The following PLGRKT variants were observed in gnomAD, a reference collection of about 807,000 sequenced individuals.
The protein encoded by PLGRKT is plasminogen receptor with a C-terminal lysine, also known as plasminogen receptor (KT).
A neutral mutation model predicts 18.5 loss-of-function variants in PLGRKT; 22 were observed. That is an observed-to-expected ratio of 1.19 (90% CI 0.85 to 1.70). The LOEUF is 1.70. PLGRKT is among the 40% of genes most tolerant of loss of function. The pLI is 0.00. For missense variants in PLGRKT, 235 were observed against 174.4 expected, an observed-to-expected ratio of 1.35 and a Z score of -1.96; for synonymous variants, 72 against 52.8, an observed-to-expected ratio of 1.36 and a Z score of -1.58.
chr9:5,387,140 G>T (rs997761219), intron 3 of PLGRKT, among the ~76,000 whole-genome samples: 2 of 151,864 alleles, frequency 1.3e-5, no homozygotes, highest in Non-Finnish European at 2.9e-5. Context: ...CTTCTAAGGA[G>T]CTCCAATGTC....
At chr9:5,434,773 C>A (rs984711086) in intron 2 of PLGRKT, among the ~76,000 whole-genome samples, 1 of 152,022 alleles carries the variant, frequency 6.6e-6, no homozygotes, top group Non-Finnish European at 1.5e-5. Context: ...GTGAGGTGTG[C>A]CTCTGCCTGG....
At position 5,434,841 on chromosome 9, in the gene PLGRKT, G is replaced by A. The variant is rs566072964; in HGVS notation, c.-7+1728C>T. Among the ~76,000 whole-genome samples, 8 of 152,286 alleles carry A rather than the reference G, an allele frequency of 5.3e-5. No homozygotes were observed. The South Asian group carries it at 6.2e-4, about 12-fold the overall frequency. The stretch of plus-strand genomic sequence containing the variant: ...CGAAGAGACAGCGACCATCGAGAAC[G>A]GGCCATGATGACGATGGCGGTTTTG... On this transcript the variant is annotated intron_variant, in intron 2 of 5. Coordinates refer to ENST00000223864, the MANE Select transcript of PLGRKT (RefSeq NM_018465.4).
intron 3 of PLGRKT, among the ~76,000 whole-genome samples, chr9:5,408,790 G>C (rs1214267699): frequency 6.6e-6 from 1 of 152,186 alleles, no homozygotes. Flanking sequence ...ATGGTTTCCT[G>C]GGCCAGGCCC....
intron 3 of PLGRKT, among the ~76,000 whole-genome samples, chr9:5,403,506 T>C (rs1818197061): frequency 6.6e-6 from 1 of 152,204 alleles, no homozygotes; most frequent in South Asian, 2.1e-4. Flanking sequence ...ATTACAGGCG[T>C]GAGCCACCAC....
rs539466314 is a variant in PLGRKT, at chr9:5,402,626, C to T, written c.81+29271G>A. Among the ~76,000 whole-genome samples the T allele has an allele frequency of 9.9e-5, 15 of 151,892 alleles. 1 individual carries two copies. Among genetic ancestry groups the T allele is most frequent in the Middle Eastern group, 3.4e-3 (1 of 294 alleles). ...ACTCAGAGCACAGGGCAGTGACGGA[C>T]GAGGAAGAGCAGGGTATGGAGGAGC... On this transcript the variant is annotated intron_variant, in intron 3 of 5. Coordinates refer to ENST00000223864, the MANE Select transcript of PLGRKT (RefSeq NM_018465.4).
At chr9:5,421,975 G>C (rs1402266135) in intron 3 of PLGRKT, among the ~76,000 whole-genome samples, 1 of 152,120 alleles carries the variant, frequency 6.6e-6, no homozygotes, top group Non-Finnish European at 1.5e-5. Flanking sequence ...GACTTCTAGG[G>C]TATCAATTCA....
At chr9:5,399,845 G>T (rs753103737) in intron 3 of PLGRKT, among the ~76,000 whole-genome samples, 4 of 151,478 alleles carry the variant, frequency 2.6e-5, no homozygotes, top group Non-Finnish European at 5.9e-5. Context: ...CCAAAAATTA[G>T]CCAGGCCTGG....
intron 3 of PLGRKT, among the ~76,000 whole-genome samples, chr9:5,392,054 G>A (rs1817959551): frequency 6.6e-6 from 1 of 151,922 alleles, no homozygotes. Context: ...GACCTAGAGG[G>A]GGAAAGTGTG....
chr9:5,370,519 T>C (rs1458164560), intron 3 of PLGRKT, among the ~76,000 whole-genome samples: 6 of 152,218 alleles, frequency 3.9e-5, no homozygotes, highest in Non-Finnish European at 5.9e-5. Flanking sequence ...AGTTTACTAC[T>C]ATGTTTTAGT....
At chr9:5,376,068 A>G (rs1481991258) in intron 3 of PLGRKT, among the ~76,000 whole-genome samples, 1 of 152,224 alleles carries the variant, frequency 6.6e-6, no homozygotes, top group Non-Finnish European at 1.5e-5. Flanking sequence ...TGAACTTTGG[A>G]GACGTTTTGC....
chr9:5,422,206 T>A (rs1419308408), intron 3 of PLGRKT, among the ~76,000 whole-genome samples: 1 of 152,152 alleles, frequency 6.6e-6, no homozygotes, highest in Non-Finnish European at 1.5e-5. Flanking sequence ...GGCCGGCCGA[T>A]CACAGGTTGA....
At chr9:5,373,268 G>A (rs372040999) in intron 3 of PLGRKT, among the ~76,000 whole-genome samples, 1 of 152,070 alleles carries the variant, frequency 6.6e-6, no homozygotes, top group Admixed American at 6.6e-5. Flanking sequence ...TAATTTTAGC[G>A]ACTACCACTC....
chr9:5,362,145 T>C (rs530090203), intron 3 of PLGRKT, among the ~76,000 whole-genome samples: 145 of 152,364 alleles, frequency 9.5e-4, no homozygotes, highest in African/African-American at 3.4e-3. Flanking sequence ...TGACTGCCTG[T>C]GGTCTGGAGC....
intron 5 of PLGRKT, among the ~76,000 whole-genome samples, chr9:5,360,055 T>C (rs1035216740): frequency 1.3e-5 from 2 of 152,218 alleles, no homozygotes; most frequent in Non-Finnish European, 2.9e-5. Flanking sequence ...TGGATGATGG[T>C]TGGTGTTTTC....
intron 3 of PLGRKT, among the ~76,000 whole-genome samples, chr9:5,367,530 T>C (rs10815192): frequency 0.21 from 31,792 of 152,066 alleles, 3,412 homozygotes; most frequent in South Asian, 0.28. Context: ...GATAACTTCC[T>C]AGCTATATGC....
At chr9:5,431,856 G>A (rs2131177731) in intron 3 of PLGRKT, 41 bp downstream of exon 3, 2 of 939,356 alleles carry the variant, frequency 2.1e-6, no homozygotes, top group Non-Finnish European at 3.5e-6. Context: ...GAAACTTTAA[G>A]CATTGTAACA....
intron 3 of PLGRKT, among the ~76,000 whole-genome samples, chr9:5,403,738 C>T (rs2131132254): frequency 6.6e-6 from 1 of 152,240 alleles, no homozygotes. Context: ...GGGAGGACTA[C>T]AAAACAAAAT....
chr9:5,377,389 T>TA (rs971933277), intron 3 of PLGRKT, among the ~76,000 whole-genome samples: 27 of 152,214 alleles, frequency 1.8e-4, no homozygotes, highest in Admixed American at 5.2e-4. Context: ...CTCATTATAC[T>TA]AAAAAATACA....
chr9:5,421,210 G>A (rs1238916491), intron 3 of PLGRKT, among the ~76,000 whole-genome samples: 3 of 152,228 alleles, frequency 2.0e-5, no homozygotes, highest in South Asian at 4.2e-4. Flanking sequence ...AACTCACCAC[G>A]AGTTCTCCCA....
Sources: gnomAD v4.1 joint callset for allele counts (sites outside exome capture counted in the v4.1 genomes callset) on GRCh38, gnomAD v4.1.1 for gene constraint, MANE v1.5 for transcripts, NCBI Gene and HGNC (gene_info 2026-07-23, HGNC 2026-07-21) for gene names.